Variants in PPARGC1A observed in about 807,000 individuals in gnomAD.
The protein encoded by PPARGC1A is peroxisome proliferator-activated receptor gamma coactivator 1-alpha.
A neutral mutation model predicts 88.7 loss-of-function variants in PPARGC1A; 25 were observed. The observed-to-expected ratio is 0.28, with a 90% CI of 0.21 to 0.39. The LOEUF is 0.39. Among genes scored for constraint, PPARGC1A ranks in the 10% least tolerant of loss-of-function variants. PPARGC1A has a pLI of 1.00. For synonymous variants in PPARGC1A, 363 were observed against 355.6 expected, an observed-to-expected ratio of 1.02 and a Z score of -0.24; for missense variants, 880 against 968.7, an observed-to-expected ratio of 0.91 and a Z score of 1.22.
chr4:24,190,126 C>T, the PPARGC1A span, among the ~76,000 whole-genome samples: 2 of 152,172 alleles, frequency 1.3e-5, no homozygotes, highest in African/African-American at 4.8e-5. Flanking sequence ...TAATCGGCTT[C>T]TTTGCTGCAA....
the PPARGC1A span, among the ~76,000 whole-genome samples, chr4:24,357,559 C>A: frequency 6.6e-6 from 1 of 152,224 alleles, no homozygotes; most frequent in Non-Finnish European, 1.5e-5. Context: ...TTACGCTGAT[C>A]TTACTTCAAC....
intron 2 of PPARGC1A, among the ~76,000 whole-genome samples, chr4:23,857,373 G>GTGT (rs148212399): frequency 3.5e-4 from 37 of 104,444 alleles, no homozygotes; most frequent in South Asian, 1.6e-3. Flanking sequence ...GTGTGTGTGT[G>GTGT]ACACACACAC....
At chr4:24,190,975 T>C in the PPARGC1A span, among the ~76,000 whole-genome samples, 1 of 152,010 alleles carries the variant, frequency 6.6e-6, no homozygotes, top group South Asian at 2.1e-4. Context: ...TTCCATAAAA[T>C]AGGGCAGCTC....
the PPARGC1A span, among the ~76,000 whole-genome samples, chr4:24,186,464 T>C: frequency 6.6e-6 from 1 of 152,162 alleles, no homozygotes; most frequent in Non-Finnish European, 1.5e-5. Context: ...ACATCCTGAC[T>C]GCGTGACCTT....
At chr4:23,868,714 T>G (rs1010712044) in intron 2 of PPARGC1A, among the ~76,000 whole-genome samples, 5 of 152,224 alleles carry the variant, frequency 3.3e-5, no homozygotes, top group Admixed American at 3.3e-4. Flanking sequence ...CCACAAATAC[T>G]TTCCTAAATT....
At chr4:23,999,523 T>C in the PPARGC1A span, among the ~76,000 whole-genome samples, 1 of 152,186 alleles carries the variant, frequency 6.6e-6, no homozygotes, top group Non-Finnish European at 1.5e-5. Context: ...TTTGTTGTTG[T>C]TGTTGTTGTT....
the PPARGC1A span, among the ~76,000 whole-genome samples, chr4:24,147,851 C>T: frequency 5.3e-5 from 8 of 152,156 alleles, no homozygotes; most frequent in East Asian, 1.4e-3. Context: ...GGCTGAGGCA[C>T]AAGAATCACT....
At chr4:24,110,219 A>G in the PPARGC1A span, among the ~76,000 whole-genome samples, 2 of 152,316 alleles carry the variant, frequency 1.3e-5, no homozygotes, top group South Asian at 4.1e-4. Flanking sequence ...CTTAGGTAAG[A>G]AGATCAATGG....
chr4:24,232,209 A>AG, the PPARGC1A span, among the ~76,000 whole-genome samples: 1 of 149,462 alleles, frequency 6.7e-6, no homozygotes, highest in South Asian at 2.1e-4. Context: ...ATTGAAAAAA[A>AG]AAAAATTCTG....
the PPARGC1A span, among the ~76,000 whole-genome samples, chr4:24,288,319 C>T: frequency 0.015 from 2,307 of 152,254 alleles, 69 homozygotes; most frequent in African/African-American, 0.053. Context: ...ACACATGGTC[C>T]TAGGGAAAGG....
chr4:24,337,583 C>G, the PPARGC1A span, among the ~76,000 whole-genome samples: 1 of 151,800 alleles, frequency 6.6e-6, no homozygotes, highest in Non-Finnish European at 1.5e-5. Flanking sequence ...TGACCAGTCC[C>G]TAGGTGACAT....
At chr4:24,368,838 C>T in the PPARGC1A span, among the ~76,000 whole-genome samples, 8 of 152,254 alleles carry the variant, frequency 5.3e-5, no homozygotes, top group African/African-American at 1.9e-4. Context: ...GCGGAAGAAA[C>T]GGAGAGTGAA....
the PPARGC1A span, among the ~76,000 whole-genome samples, chr4:24,347,953 T>C: frequency 6.6e-6 from 1 of 152,194 alleles, no homozygotes; most frequent in Non-Finnish European, 1.5e-5. Context: ...TGTTTCAAAA[T>C]TTAGAGCCAC....
chr4:23,914,119 G>T, the PPARGC1A span, among the ~76,000 whole-genome samples: 3 of 152,158 alleles, frequency 2.0e-5, no homozygotes, highest in Non-Finnish European at 2.9e-5. Flanking sequence ...TCAGCTCTGT[G>T]CCAAGCACTA....
At chr4:24,080,966 C>T in the PPARGC1A span, among the ~76,000 whole-genome samples, 3,115 of 151,910 alleles carry the variant, frequency 0.021, 115 homozygotes, top group African/African-American at 0.066. Flanking sequence ...TGAATGTTTG[C>T]GCTGAGAAGA....
the PPARGC1A span, among the ~76,000 whole-genome samples, chr4:23,909,838 G>A: frequency 6.6e-6 from 1 of 151,552 alleles, no homozygotes; most frequent in African/African-American, 2.4e-5. Flanking sequence ...CAATACTAAG[G>A]AGGCTAGAAA....
the PPARGC1A span, among the ~76,000 whole-genome samples, chr4:24,225,435 G>A: frequency 1.3e-5 from 2 of 152,058 alleles, no homozygotes; most frequent in Non-Finnish European, 2.9e-5. Flanking sequence ...CGGGCGTGGT[G>A]GCAGGCGCCT....
At chr4:24,311,443 G>T in the PPARGC1A span, among the ~76,000 whole-genome samples, 1 of 139,882 alleles carries the variant, frequency 7.1e-6, no homozygotes, top group African/African-American at 2.6e-5. Context: ...AGACCATCCT[G>T]GCTAACACGG....
At chr4:24,174,227 T>C in the PPARGC1A span, among the ~76,000 whole-genome samples, 3 of 152,152 alleles carry the variant, frequency 2.0e-5, no homozygotes, top group Admixed American at 6.5e-5. Flanking sequence ...GCATTCTAGG[T>C]GACGGAAAGC....
Sources: gnomAD v4.1 joint callset for allele counts (sites outside exome capture counted in the v4.1 genomes callset) on GRCh38, gnomAD v4.1.1 for gene constraint, MANE v1.5 for transcripts, NCBI Gene and HGNC (gene_info 2026-07-23, HGNC 2026-07-21) for gene names.